SLC41A2: variants seen among roughly 807,000 people sequenced by gnomAD.
SLC41A2 encodes the protein SLC41A1-like 1.
SLC41A2 carries 32 observed loss-of-function variants against 58.3 expected under a neutral mutation model. The observed-to-expected ratio is 0.55, with a 90% CI of 0.41 to 0.74. The LOEUF is 0.74. Ranked by LOEUF, SLC41A2 falls within the 30% of genes least tolerant of loss-of-function variation. SLC41A2 has a pLI of 0.00. For synonymous variants in SLC41A2, 190 were observed against 235.0 expected (o/e 0.81, Z 1.75); for missense variants, 514 against 680.6 (o/e 0.76, Z 2.72).
chr12:104,881,046 G>A (rs2044341635), intron 6 of SLC41A2, among the ~76,000 whole-genome samples: 1 of 152,134 alleles, frequency 6.6e-6, no homozygotes. Context: ...AGTCTTGGGA[G>A]GGTGTATGTG....
intron 2 of SLC41A2, among the ~76,000 whole-genome samples, chr12:104,913,537 C>A (rs1321970919): frequency 1.3e-5 from 2 of 152,196 alleles, no homozygotes; most frequent in African/African-American, 4.8e-5. Context: ...AGTTCCACTG[C>A]ACATGCACGT....
At chr12:104,850,576 C>A (rs1271479275) in intron 8 of SLC41A2, among the ~76,000 whole-genome samples, 3 of 152,112 alleles carry the variant, frequency 2.0e-5, no homozygotes, top group African/African-American at 7.2e-5. Context: ...AATGTAAGTA[C>A]AGAAACAGGA....
At chr12:104,905,854 G>T (rs1033925022) in intron 3 of SLC41A2, among the ~76,000 whole-genome samples, 1 of 152,218 alleles carries the variant, frequency 6.6e-6, no homozygotes, top group Non-Finnish European at 1.5e-5. Context: ...CAGCTGGCCC[G>T]CAAGCGCCGC....
intron 4 of SLC41A2, among the ~76,000 whole-genome samples, chr12:104,891,662 T>C (rs2044979181): frequency 6.6e-6 from 1 of 151,620 alleles, no homozygotes; most frequent in Non-Finnish European, 1.5e-5. Flanking sequence ...TTCACCACTG[T>C]TTTTTTAACA....
chr12:104,868,542 T>C (rs2043590009), intron 6 of SLC41A2, among the ~76,000 whole-genome samples: 1 of 152,010 alleles, frequency 6.6e-6, no homozygotes, highest in South Asian at 2.1e-4. Context: ...AGGCAGTTCC[T>C]TAAAAAGTTA....
At chr12:104,850,869 C>G (rs550014103) in intron 8 of SLC41A2, among the ~76,000 whole-genome samples, 1 of 152,130 alleles carries the variant, frequency 6.6e-6, no homozygotes, top group African/African-American at 2.4e-5. Context: ...AAATAAATTT[C>G]TTTAAAAATG....
intron 8 of SLC41A2, among the ~76,000 whole-genome samples, chr12:104,855,933 T>C (rs978792264): frequency 2.6e-5 from 4 of 152,200 alleles, no homozygotes; most frequent in African/African-American, 7.2e-5. Flanking sequence ...ATATCCAATT[T>C]AAAGTATGGA....
chr12:104,908,534 G>GA (rs758412489), intron 3 of SLC41A2, among the ~76,000 whole-genome samples: 26 of 152,024 alleles, frequency 1.7e-4, no homozygotes, highest in African/African-American at 6.0e-4. Context: ...TTCTTTAAAG[G>GA]AAAAAAACTT....
chr12:104,925,689 C>T (rs1405696368), intron 2 of SLC41A2, among the ~76,000 whole-genome samples: 2 of 152,112 alleles, frequency 1.3e-5, no homozygotes, highest in Non-Finnish European at 2.9e-5. Flanking sequence ...CAATTATATG[C>T]GTGCTGTTCT....
intron 10 of SLC41A2, among the ~76,000 whole-genome samples, chr12:104,815,604 T>C (rs890881552): frequency 1.3e-5 from 2 of 152,096 alleles, no homozygotes; most frequent in African/African-American, 4.8e-5. Context: ...AGAAAGATGA[T>C]TTCTTTGGGA....
chr12:104,828,678 G>A (rs573938602), intron 10 of SLC41A2, among the ~76,000 whole-genome samples: 8 of 151,882 alleles, frequency 5.3e-5, no homozygotes, highest in Admixed American at 1.3e-4. Context: ...AACGTTTCCC[G>A]TTTCAACATC....
chr12:104,890,865 C>T (rs938176861), intron 4 of SLC41A2, among the ~76,000 whole-genome samples: 1 of 152,158 alleles, frequency 6.6e-6, no homozygotes, highest in Non-Finnish European at 1.5e-5. Flanking sequence ...CCTGGGGCTC[C>T]ATTTAACAGT....
intron 1 of SLC41A2, among the ~76,000 whole-genome samples, chr12:104,944,294 C>G (rs117176138): frequency 0.011 from 1,727 of 152,296 alleles, 14 homozygotes; most frequent in Admixed American, 0.018. Context: ...CAGTGCAGGA[C>G]AGCCTCCACA....
intron 8 of SLC41A2, 97 bp from the exon 9 acceptor site, chr12:104,846,071 C>A: frequency 8.2e-7 from 1 of 1,218,732 alleles, no homozygotes; most frequent in South Asian, 1.6e-5. Flanking sequence ...CATTCTGGGC[C>A]AATAAAACAA....
intron 2 of SLC41A2, among the ~76,000 whole-genome samples, chr12:104,914,148 G>A (rs112581613): frequency 7.9e-5 from 12 of 152,276 alleles, no homozygotes; most frequent in African/African-American, 2.9e-4. Context: ...CTTAGTATCT[G>A]AGAAATATTT....
chr12:104,952,007 ATTG>A (rs1426091458), intron 1 of SLC41A2, among the ~76,000 whole-genome samples: 1 of 151,944 alleles, frequency 6.6e-6, no homozygotes, highest in Non-Finnish European at 1.5e-5. Flanking sequence ...CACAATGTTT[ATTG>A]TTCTTTTTAT....
At chr12:104,942,485 A>AAG (rs1163839936) in intron 1 of SLC41A2, among the ~76,000 whole-genome samples, 1 of 151,544 alleles carries the variant, frequency 6.6e-6, no homozygotes, top group Non-Finnish European at 1.5e-5. Flanking sequence ...CCAAAAAAAA[A>AAG]AAAAAACCAT....
At chr12:104,925,839 T>C (rs950221226) in intron 2 of SLC41A2, among the ~76,000 whole-genome samples, 2 of 152,182 alleles carry the variant, frequency 1.3e-5, no homozygotes, top group Non-Finnish European at 2.9e-5. Flanking sequence ...TTCAGAATAA[T>C]TGGTATCTCA....
rs916851296 is a variant in SLC41A2 at position 104,820,581 on chromosome 12, G to A, written c.1537-15244C>T. On this transcript the variant is annotated intron_variant, in intron 10 of 10. Coordinates refer to ENST00000258538, the MANE Select transcript of SLC41A2 (RefSeq NM_001352171.3). ...AACAAGGTCATTTGTCATATTTAAC[G>A]TTTTAAATATTTACGTACTTGACAT... Among the ~76,000 whole-genome samples, 7 of 152,104 alleles carry A rather than the reference G, an allele frequency of 4.6e-5. No individual in the cohort carries two copies. In the East Asian group the frequency reaches 9.6e-4, roughly 21 times the overall value.
Sources: gnomAD v4.1 joint callset for allele counts (sites outside exome capture counted in the v4.1 genomes callset) on GRCh38, gnomAD v4.1.1 for gene constraint, MANE v1.5 for transcripts, NCBI Gene and HGNC (gene_info 2026-07-23, HGNC 2026-07-21) for gene names.